The following PRKCB variants were observed in gnomAD, a reference collection of about 807,000 sequenced individuals.
PRKCB encodes the protein protein kinase C beta, also known as protein kinase C beta type.
In PRKCB, 13 loss-of-function variants were observed where a neutral mutation model predicts 81.5. That is an observed-to-expected ratio of 0.16 (90% CI 0.10 to 0.25). The LOEUF is 0.25. PRKCB is among the 10% of genes least tolerant of loss of function. The pLI, the probability that PRKCB is intolerant of heterozygous loss-of-function variation, is 1.00. For missense variants in PRKCB, 509 were observed against 875.7 expected (o/e 0.58, Z 5.29); for synonymous variants, 335 against 321.4 (o/e 1.04, Z -0.45).
At chr16:23,912,889 A>G (rs560627422) in intron 2 of PRKCB, among the ~76,000 whole-genome samples, 2 of 151,262 alleles carry the variant, frequency 1.3e-5, no homozygotes, top group Non-Finnish European at 2.9e-5. Flanking sequence ...CAGTGGTGCA[A>G]TCAAAGCTCA....
chr16:24,154,193 G>A (rs963892767), intron 9 of PRKCB, among the ~76,000 whole-genome samples: 1 of 152,204 alleles, frequency 6.6e-6, no homozygotes, highest in Non-Finnish European at 1.5e-5. Flanking sequence ...TATTCAAAGT[G>A]CGAGGTCAGG....
chr16:23,919,969 C>A (rs1597246063), intron 2 of PRKCB, among the ~76,000 whole-genome samples: 1 of 152,270 alleles, frequency 6.6e-6, no homozygotes, highest in Non-Finnish European at 1.5e-5. Flanking sequence ...CAGGAGTGTA[C>A]AAATATCTCT....
intron 7 of PRKCB, among the ~76,000 whole-genome samples, chr16:24,100,188 A>T (rs967757866): frequency 6.6e-6 from 1 of 152,154 alleles, no homozygotes; most frequent in African/African-American, 2.4e-5. Flanking sequence ...GAAAGGAGGC[A>T]TAACAAGACG....
chr16:23,840,871 C>G (rs1962251518), intron 2 of PRKCB, among the ~76,000 whole-genome samples: 1 of 152,156 alleles, frequency 6.6e-6, no homozygotes. Flanking sequence ...TCTAGGTTGA[C>G]TGCCTCATAA....
chr16:23,972,095 A>G (rs1177724351), intron 2 of PRKCB, among the ~76,000 whole-genome samples: 2 of 152,250 alleles, frequency 1.3e-5, no homozygotes, highest in Non-Finnish European at 1.5e-5. Context: ...ATGGAATATT[A>G]TTCAGCAGTA....
intron 2 of PRKCB, among the ~76,000 whole-genome samples, chr16:23,885,075 A>C (rs919325900): frequency 3.9e-5 from 6 of 152,174 alleles, no homozygotes; most frequent in Non-Finnish European, 7.3e-5. Context: ...GATTATAAGG[A>C]ATTAACAATA....
At chr16:23,939,694 A>G (rs1474745576) in intron 2 of PRKCB, among the ~76,000 whole-genome samples, 1 of 152,232 alleles carries the variant, frequency 6.6e-6, no homozygotes, top group Non-Finnish European at 1.5e-5. Flanking sequence ...CTTTATACAA[A>G]AATTAACTCA....
intron 3 of PRKCB, among the ~76,000 whole-genome samples, chr16:24,016,119 T>C (rs1965274146): frequency 6.6e-6 from 1 of 152,102 alleles, no homozygotes; most frequent in Non-Finnish European, 1.5e-5. Context: ...CTAGGGTTAT[T>C]ATCCTAGCTC....
intron 2 of PRKCB, among the ~76,000 whole-genome samples, chr16:23,925,930 GT>G (rs111232429): frequency 7.4e-4 from 107 of 145,522 alleles, no homozygotes; most frequent in African/African-American, 1.4e-3. Flanking sequence ...CTCTTTCTGA[GT>G]TTTTTTTTTT....
At chr16:23,959,940 G>A (rs1008290216) in intron 2 of PRKCB, among the ~76,000 whole-genome samples, 1 of 152,172 alleles carries the variant, frequency 6.6e-6, no homozygotes, top group Admixed American at 6.5e-5. Context: ...GCTCTGCTGT[G>A]TCCCCTCACC....
chr16:23,974,094 T>C (rs985395667), intron 2 of PRKCB, among the ~76,000 whole-genome samples: 1 of 151,860 alleles, frequency 6.6e-6, no homozygotes, highest in Non-Finnish European at 1.5e-5. Context: ...TGGTTTTGGG[T>C]GATAATTAGG....
chr16:24,060,217 T>C (rs1457852512), intron 5 of PRKCB, among the ~76,000 whole-genome samples: 1 of 152,128 alleles, frequency 6.6e-6, no homozygotes, highest in African/African-American at 2.4e-5. Context: ...TTTGGGCAAG[T>C]TAATGAAGCC....
intron 9 of PRKCB, among the ~76,000 whole-genome samples, chr16:24,131,753 T>G (rs1274235950): frequency 6.6e-6 from 1 of 152,260 alleles, no homozygotes; most frequent in Non-Finnish European, 1.5e-5. Context: ...ATATTTATTT[T>G]AATGTGTTTT....
chr16:24,120,355 C>T (rs1007689565), intron 8 of PRKCB, among the ~76,000 whole-genome samples: 2 of 152,142 alleles, frequency 1.3e-5, no homozygotes, highest in African/African-American at 4.8e-5. Flanking sequence ...AGTTTCAAAA[C>T]ATGAATAAAG....
At chr16:23,837,149 T>C (rs1390031057) in intron 1 of PRKCB, 4 of 622,758 alleles carry the variant, frequency 6.4e-6, no homozygotes, top group Non-Finnish European at 1.1e-5. Flanking sequence ...TCCCGCCACC[T>C]GGTGGTCGCA....
intron 2 of PRKCB, among the ~76,000 whole-genome samples, chr16:23,980,472 A>G (rs1964682081): frequency 6.6e-6 from 1 of 152,206 alleles, no homozygotes; most frequent in Non-Finnish European, 1.5e-5. Context: ...GTCTTATTTG[A>G]GCTGCACAAC....
chr16:23,842,024 G>A (rs1026284075), intron 2 of PRKCB, among the ~76,000 whole-genome samples: 1 of 152,064 alleles, frequency 6.6e-6, no homozygotes, highest in Non-Finnish European at 1.5e-5. Flanking sequence ...CCTGTGCCTG[G>A]TCTCAAACTG....
At chr16:23,947,970 G>A (rs772620717) in intron 2 of PRKCB, among the ~76,000 whole-genome samples, 24 of 138,966 alleles carry the variant, frequency 1.7e-4, no homozygotes, top group Non-Finnish European at 2.9e-4. Context: ...AAACCCACTC[G>A]CCCAACCTCC....
chr16:24,041,268 G>A (rs1965694388), intron 5 of PRKCB, among the ~76,000 whole-genome samples: 1 of 151,936 alleles, frequency 6.6e-6, no homozygotes, highest in Non-Finnish European at 1.5e-5. Context: ...TAGCCAGGAT[G>A]GTCTCGATCT....
Sources: allele counts gnomAD v4.1 joint callset (sites outside exome capture counted in the v4.1 genomes callset), GRCh38; gene constraint gnomAD v4.1.1; transcripts MANE v1.5; gene names NCBI Gene and HGNC (gene_info 2026-07-23, HGNC 2026-07-21).